Variants in C10orf67 observed in about 807,000 individuals in gnomAD.
C10orf67 encodes uncharacterized protein C10orf67, mitochondrial.
A neutral mutation model predicts 35.6 loss-of-function variants in C10orf67; 60 were observed. The observed-to-expected ratio is 1.68, with a 90% CI of 1.37 to 2.09. C10orf67 has a LOEUF of 2.09. C10orf67 is among the 30% of genes most tolerant of loss of function. The pLI is 0.00. For synonymous variants in C10orf67, 167 were observed against 115.8 expected (o/e 1.44, Z -2.84); for missense variants, 474 against 330.2 (o/e 1.44, Z -3.38).
intron 12 of C10orf67, among the ~76,000 whole-genome samples, chr10:23,248,607 A>G (rs2132154071): frequency 6.6e-6 from 1 of 152,318 alleles, no homozygotes; most frequent in South Asian, 2.1e-4. Context: ...ATCTAGGATC[A>G]GTTACAGTAA....
intron 5 of C10orf67, among the ~76,000 whole-genome samples, chr10:23,299,215 C>A (rs943963876): frequency 2.6e-5 from 4 of 152,068 alleles, no homozygotes; most frequent in Non-Finnish European, 2.9e-5. Context: ...TTCTGTACTC[C>A]TAAAATTGGA....
intron 2 of C10orf67, among the ~76,000 whole-genome samples, chr10:23,328,170 A>G (rs545005788): frequency 6.6e-6 from 1 of 152,308 alleles, no homozygotes; most frequent in African/African-American, 2.4e-5. Context: ...AGAGAAGAAG[A>G]AAGCCTCAAA....
intron 8 of C10orf67, among the ~76,000 whole-genome samples, chr10:23,277,766 A>G (rs1588643524): frequency 6.6e-6 from 1 of 152,206 alleles, no homozygotes; most frequent in Non-Finnish European, 1.5e-5. Flanking sequence ...GTAAATATCA[A>G]TAGATAAAAC....
chr10:23,313,826 G>A (rs1844588883), intron 4 of C10orf67, among the ~76,000 whole-genome samples: 1 of 152,060 alleles, frequency 6.6e-6, no homozygotes, highest in Admixed American at 6.6e-5. Context: ...CATCCTAAAG[G>A]CATGGAGGAA....
chr10:23,344,571 C>G lies in C10orf67; in HGVS notation c.204G>C (p.Thr68=), dbSNP rs1299815678. Reference sequence around the variant, plus strand: ...CCCAGGCGCGGAGCTCAGCCTACCTCGTGGACCCGCGCATTTGCGGGGGCT... The same window carrying G: ...CCCAGGCGCGGAGCTCAGCCTACCTGGTGGACCCGCGCATTTGCGGGGGCT... ...EFKPPQMRGS[T]RLNISDDLKI... is the part of the protein sequence containing the mutation. Residue 68 remains threonine, a splice_region_variant and synonymous_variant, in exon 1 of 16, where the codon ACG becomes ACC. Transcript: ENST00000636213. 2 of 1,573,604 alleles carry G rather than the reference C, an allele frequency of 1.3e-6. No individual in the cohort carries two copies. The highest frequency in any genetic ancestry group is 1.2e-5 in the South Asian group (1 of 85,742).
At chr10:23,237,390 C>G (rs1445624715) in intron 13 of C10orf67, among the ~76,000 whole-genome samples, 1 of 152,140 alleles carries the variant, frequency 6.6e-6, no homozygotes, top group Non-Finnish European at 1.5e-5. Context: ...TAAACACACA[C>G]ACTTCCTGTG....
At chr10:23,261,057 G>T (rs936014342) in intron 10 of C10orf67, among the ~76,000 whole-genome samples, 2 of 152,138 alleles carry the variant, frequency 1.3e-5, no homozygotes, top group Non-Finnish European at 2.9e-5. Flanking sequence ...CTGGGGGAAT[G>T]AATTCAAATA....
intron 8 of C10orf67, among the ~76,000 whole-genome samples, chr10:23,278,217 G>T (rs1588644084): frequency 1.3e-5 from 2 of 152,080 alleles, no homozygotes; most frequent in Admixed American, 6.5e-5. Flanking sequence ...TTTCTTGGGG[G>T]ACCTCAATGA....
At chr10:23,274,985 T>A (rs1717214932) in intron 8 of C10orf67, among the ~76,000 whole-genome samples, 1 of 152,198 alleles carries the variant, frequency 6.6e-6, no homozygotes, top group South Asian at 2.1e-4. Flanking sequence ...AGCCGGTCCC[T>A]CTGTTCGGGG....
intron 10 of C10orf67, among the ~76,000 whole-genome samples, chr10:23,256,409 T>G (rs1450070189): frequency 6.6e-6 from 1 of 152,074 alleles, no homozygotes; most frequent in African/African-American, 2.4e-5. Flanking sequence ...AACTACAAAA[T>G]CACAACTTCT....
chr10:23,218,197 T>C (rs906677298), intron 15 of C10orf67, among the ~76,000 whole-genome samples: 4 of 152,184 alleles, frequency 2.6e-5, no homozygotes, highest in Non-Finnish European at 4.4e-5. Flanking sequence ...TGAAGTGCAG[T>C]GGCGCCATCA....
At chr10:23,274,592 A>G (rs1464671079) in intron 8 of C10orf67, among the ~76,000 whole-genome samples, 1 of 152,204 alleles carries the variant, frequency 6.6e-6, no homozygotes, top group Non-Finnish European at 1.5e-5. Context: ...GCAGGCTGTC[A>G]GACCTTATGG....
intron 10 of C10orf67, among the ~76,000 whole-genome samples, chr10:23,252,015 A>G (rs913194979): frequency 3.3e-5 from 5 of 152,192 alleles, no homozygotes; most frequent in Non-Finnish European, 5.9e-5. Flanking sequence ...CAATTTTCCT[A>G]TTAATAATAC....
At chr10:23,263,035 TTGACAACCTC>T (rs1363920644) in intron 10 of C10orf67, among the ~76,000 whole-genome samples, 1 of 152,216 alleles carries the variant, frequency 6.6e-6, no homozygotes, top group Non-Finnish European at 1.5e-5. Flanking sequence ...TAAATATCCT[TTGACAACCTC>T]TGAAGACCAT....
chr10:23,342,322 A>G (rs1389321556), intron 1 of C10orf67, among the ~76,000 whole-genome samples: 1 of 151,958 alleles, frequency 6.6e-6, no homozygotes, highest in Non-Finnish European at 1.5e-5. Context: ...CTAACTTATT[A>G]CATAGTTTAC....
intron 12 of C10orf67, among the ~76,000 whole-genome samples, chr10:23,241,878 T>G (rs963603525): frequency 6.6e-6 from 1 of 151,562 alleles, no homozygotes; most frequent in African/African-American, 2.4e-5. Flanking sequence ...GGGAAAAAAT[T>G]TAAAGTACCT....
chr10:23,316,391 C>T (rs1366355396), intron 4 of C10orf67, among the ~76,000 whole-genome samples: 1 of 152,230 alleles, frequency 6.6e-6, no homozygotes, highest in Non-Finnish European at 1.5e-5. Context: ...TGTCACAACA[C>T]TGGCTCAGGG....
intron 7 of C10orf67, among the ~76,000 whole-genome samples, chr10:23,287,997 AG>A (rs1843599922): frequency 6.6e-6 from 1 of 152,152 alleles, no homozygotes; most frequent in East Asian, 1.9e-4. Context: ...GCAGAGAAAT[AG>A]GAACACTTTT....
At chr10:23,254,819 G>A (rs529453900) in intron 10 of C10orf67, among the ~76,000 whole-genome samples, 3 of 152,116 alleles carry the variant, frequency 2.0e-5, no homozygotes, top group South Asian at 2.1e-4. Flanking sequence ...TTCTTATCAA[G>A]AGTCAGTACA....
Sources: gnomAD v4.1 joint callset for allele counts (sites outside exome capture counted in the v4.1 genomes callset) on GRCh38, gnomAD v4.1.1 for gene constraint, MANE v1.5 for transcripts, NCBI Gene and HGNC (gene_info 2026-07-23, HGNC 2026-07-21) for gene names.